The following PPARG variants were observed in gnomAD, a reference collection of about 807,000 sequenced individuals.
The protein encoded by PPARG is peroxisome proliferator-activated receptor gamma.
A neutral mutation model predicts 39.2 loss-of-function variants in PPARG; 17 were observed. That is an observed-to-expected ratio of 0.43 (90% CI 0.30 to 0.65). PPARG has a LOEUF of 0.65. Among genes scored for constraint, PPARG ranks in the 30% least tolerant of loss-of-function variants. The pLI is 0.13. For synonymous variants in PPARG, 223 were observed against 215.7 expected, an observed-to-expected ratio of 1.03 and a Z score of -0.30; for missense variants, 406 against 585.9, an observed-to-expected ratio of 0.69 and a Z score of 3.17.
At chr3:12,354,928 A>C (rs1029767356) in intron 2 of PPARG, among the ~76,000 whole-genome samples, 1 of 152,168 alleles carries the variant, frequency 6.6e-6, no homozygotes, top group Non-Finnish European at 1.5e-5. Context: ...ACTTAGAGAA[A>C]GCATCTTTGT....
chr3:12,382,874 G>C (rs1178693848), intron 4 of PPARG, among the ~76,000 whole-genome samples: 3 of 152,078 alleles, frequency 2.0e-5, no homozygotes, highest in Admixed American at 6.6e-5. Flanking sequence ...GGGAGGTTTA[G>C]GTAAGAGGAT....
intron 2 of PPARG, among the ~76,000 whole-genome samples, chr3:12,318,409 C>T (rs1028646787): frequency 2.6e-5 from 4 of 152,060 alleles, no homozygotes; most frequent in African/African-American, 9.7e-5. Context: ...GCAGATTTAA[C>T]AAAGTAGGAC....
chr3:12,346,030 A>C (rs1372683211), intron 2 of PPARG, among the ~76,000 whole-genome samples: 1 of 152,240 alleles, frequency 6.6e-6, no homozygotes, highest in Non-Finnish European at 1.5e-5. Flanking sequence ...CAGATATTAC[A>C]TGCAACGACA....
intron 7 of PPARG, among the ~76,000 whole-genome samples, chr3:12,419,419 A>G (rs2125291980): frequency 6.6e-6 from 1 of 152,024 alleles, no homozygotes; most frequent in African/African-American, 2.4e-5. Context: ...ATTTTGAAAA[A>G]CCAGATTAGA....
chr3:12,395,395 C>T (rs564067564), intron 5 of PPARG, among the ~76,000 whole-genome samples: 1 of 152,152 alleles, frequency 6.6e-6, no homozygotes, highest in Non-Finnish European at 1.5e-5. Context: ...TCAGCAATTT[C>T]GGGCAGTTGG....
chr3:12,301,954 C>T (rs1330159155), intron 1 of PPARG: 1 of 152,184 alleles, frequency 6.6e-6, no homozygotes, highest in African/African-American at 2.4e-5. Flanking sequence ...CAAGTTGGTT[C>T]TAGGCACAAA....
chr3:12,371,016 G>T (rs899727822), intron 2 of PPARG, among the ~76,000 whole-genome samples: 2 of 152,152 alleles, frequency 1.3e-5, no homozygotes, highest in African/African-American at 2.4e-5. Flanking sequence ...TAGTGGTAGT[G>T]TTGGAGGCTT....
intron 2 of PPARG, among the ~76,000 whole-genome samples, chr3:12,367,705 A>T (rs1397781112): frequency 6.6e-6 from 1 of 151,526 alleles, no homozygotes; most frequent in Non-Finnish European, 1.5e-5. Flanking sequence ...AATAAAAATA[A>T]AAAAATAAAA....
At chr3:12,375,948 C>CT (rs113325527) in intron 2 of PPARG, among the ~76,000 whole-genome samples, 256 of 143,772 alleles carry the variant, frequency 1.8e-3, no homozygotes, top group Middle Eastern at 3.7e-3. Context: ...ATTTTCAAGG[C>CT]TTTTTTTTTT....
intron 7 of PPARG, among the ~76,000 whole-genome samples, chr3:12,428,088 C>G (rs2051519084): frequency 6.6e-6 from 1 of 152,116 alleles, no homozygotes. Context: ...CATCTGGTTC[C>G]CTAATTGAGA....
intron 1 of PPARG, among the ~76,000 whole-genome samples, chr3:12,296,979 A>G (rs1207052247): frequency 2.0e-5 from 3 of 152,294 alleles, no homozygotes; most frequent in African/African-American, 4.8e-5. Flanking sequence ...ACACTCATAT[A>G]TATCTGATGT....
chr3:12,299,447 C>A (rs995393999), intron 1 of PPARG, among the ~76,000 whole-genome samples: 2 of 152,210 alleles, frequency 1.3e-5, no homozygotes, highest in African/African-American at 4.8e-5. Context: ...TTTTTCCCAG[C>A]TCTCTTACTA....
chr3:12,385,630 T>G (rs1207019027), intron 4 of PPARG, among the ~76,000 whole-genome samples: 1 of 152,150 alleles, frequency 6.6e-6, no homozygotes, highest in African/African-American at 2.4e-5. Flanking sequence ...CCTAAAGATA[T>G]AAGTAAATAC....
intron 2 of PPARG, chr3:12,351,646 T>G (rs1294325666): frequency 6.2e-7 from 1 of 1,611,164 alleles, no homozygotes; most frequent in Admixed American, 1.7e-5. Context: ...ATTCCTTCAC[T>G]GATACACTGT....
chr3:12,329,689 A>AGTG (rs1186595603), intron 2 of PPARG, among the ~76,000 whole-genome samples: 2 of 152,176 alleles, frequency 1.3e-5, no homozygotes, highest in African/African-American at 4.8e-5. Context: ...ACATTGGTAC[A>AGTG]GTGGCATTGG....
At chr3:12,404,332 G>A (rs190545224) in intron 5 of PPARG, among the ~76,000 whole-genome samples, 3 of 152,260 alleles carry the variant, frequency 2.0e-5, no homozygotes, top group East Asian at 3.9e-4. Context: ...ATTAGTCAGC[G>A]ATAAAATTTA....
rs1234555494 is a variant in PPARG at position 12,376,755 on chromosome 3, C to G, written c.-8-2949C>G. 2.0e-5 allele frequency among the ~76,000 whole-genome samples: 3 copies of G among 152,174 alleles called. No homozygotes were observed. The East Asian group carries it at 5.8e-4, about 29-fold the overall frequency. On this transcript the variant is annotated intron_variant, in intron 2 of 7. Coordinates refer to ENST00000651735, the MANE Select transcript of PPARG (RefSeq NM_138711.6). ...TTCCCTGCCCCTTCTGCTGAAACTTCACAGCTATCTCATTAAGTCATCAAT... is the reference window on the plus strand; with the variant it reads ...TTCCCTGCCCCTTCTGCTGAAACTTGACAGCTATCTCATTAAGTCATCAAT...
intron 2 of PPARG, among the ~76,000 whole-genome samples, chr3:12,327,045 T>G (rs1443448015): frequency 6.6e-6 from 1 of 152,214 alleles, no homozygotes; most frequent in Non-Finnish European, 1.5e-5. Context: ...TATCACAGTA[T>G]ATTTTAAAAG....
In PPARG at chr3:12,379,709, A is replaced by G; in HGVS notation, c.-3A>G. The stretch of plus-strand genomic sequence containing the variant: ...TAGTCTATTTTTCCTTTCAGAAATG[A>G]CCATGGTTGACACAGAGATGCCATT... On this transcript the variant is annotated 5_prime_UTR_variant, in exon 3 of 8. Transcript: ENST00000651735. 2 of 1,613,734 alleles carry G rather than the reference A, an allele frequency of 1.2e-6. No homozygotes were observed. Among genetic ancestry groups the G allele is most frequent in the South Asian group, 1.1e-5 (1 of 91,080 alleles).
Sources: allele counts gnomAD v4.1 joint callset (sites outside exome capture counted in the v4.1 genomes callset), GRCh38; gene constraint gnomAD v4.1.1; transcripts MANE v1.5; gene names NCBI Gene and HGNC (gene_info 2026-07-23, HGNC 2026-07-21).